Variants in FRAS1 observed in about 807,000 individuals in gnomAD.
FRAS1 encodes Fraser extracellular matrix complex subunit 1.
FRAS1 carries 290 observed loss-of-function variants against 435.2 expected under a neutral mutation model. That is an observed-to-expected ratio of 0.67 (90% confidence interval 0.61 to 0.73). The LOEUF (loss-of-function observed/expected upper bound fraction) is 0.73, where lower values mean the gene tolerates loss of function less well. FRAS1 is among the 30% of genes least tolerant of loss of function. The probability of loss-of-function intolerance (pLI) is 0.00; values close to 1 mark genes in which losing one functional copy is unlikely to be tolerated. For synonymous variants in FRAS1, 1,800 were observed against 1,851.0 expected (o/e 0.97, Z 0.71); for missense variants, 4,860 against 5,001.5 (o/e 0.97, Z 0.85).
chr4:78,262,808 C>T (rs1426884666), intron 6 of FRAS1, among the ~76,000 whole-genome samples: 1 of 152,120 alleles, frequency 6.6e-6, no homozygotes, highest in Non-Finnish European at 1.5e-5. Flanking sequence ...TACTAAACTC[C>T]TGTTTACTGA....
chr4:78,507,917 T>C (rs1244914162), intron 62 of FRAS1, among the ~76,000 whole-genome samples: 1 of 152,178 alleles, frequency 6.6e-6, no homozygotes, highest in Non-Finnish European at 1.5e-5. Flanking sequence ...ATGTCAATAG[T>C]GTTGAGGGTA....
At chr4:78,124,547 G>A (rs1201440505) in intron 2 of FRAS1, among the ~76,000 whole-genome samples, 1 of 152,186 alleles carries the variant, frequency 6.6e-6, no homozygotes, top group Non-Finnish European at 1.5e-5. Context: ...CAGAAGGAAT[G>A]GTACTAGCTC....
Position 78,521,542 on chromosome 4 carries a change from G to C in FRAS1, c.10560G>C (p.Val3520=). 1 of 1,609,782 alleles carries C rather than the reference G, an allele frequency of 6.2e-7. No individual in the cohort carries two copies. The highest frequency in any genetic ancestry group is 8.5e-7 in the Non-Finnish European group (1 of 1,178,128). ...LWRTGIQTDS[V]LSARLQIIRI... is the part of the protein sequence containing the mutation. Reference sequence around the variant, plus strand: ...GCCCAGGAATCCAGACAGACAGCGTGCTCTCTGCAAGGCTTCAGATAATAA... The same window carrying C: ...GCCCAGGAATCCAGACAGACAGCGTCCTCTCTGCAAGGCTTCAGATAATAA... The change falls in exon 68 of 74, where the codon GTG becomes GTC. Residue 3520 remains valine (V), a synonymous_variant. Transcript: ENST00000512123.
At chr4:78,490,538 C>A (rs1446467689) in intron 59 of FRAS1, among the ~76,000 whole-genome samples, 1 of 152,178 alleles carries the variant, frequency 6.6e-6, no homozygotes, top group African/African-American at 2.4e-5. Context: ...AACTGAACAA[C>A]CTGCTCCTGA....
At position 78,452,159 on chromosome 4, in the gene FRAS1, T is replaced by C. The variant is rs1225641544; in HGVS notation, c.6584-16T>C. On this transcript the variant is annotated splice_polypyrimidine_tract_variant and intron_variant, in intron 46 of 73. Coordinates refer to ENST00000512123, the MANE Select transcript of FRAS1 (RefSeq NM_025074.7). ...GAGAAGATCCCATTTCAAATCACTA[T>C]TTCTGATATTTTCAGAAGACAAATC... is the stretch of plus-strand genomic sequence containing the variant. 4 of 1,610,470 alleles carry C rather than the reference T, an allele frequency of 2.5e-6. No homozygotes were observed. The highest frequency in any genetic ancestry group is 2.2e-5 in the East Asian group (1 of 44,874).
At position 78,174,051 on chromosome 4, in the gene FRAS1, G is replaced by C. The variant is rs751551463; in HGVS notation, c.109-63459G>C. 4.0e-4 allele frequency among the ~76,000 whole-genome samples: 61 copies of C among 152,152 alleles called. 1 individual carries two copies. The highest frequency in any genetic ancestry group is 3.7e-4 in the Non-Finnish European group (25 of 68,020). On this transcript the variant is annotated intron_variant, in intron 2 of 73. Transcript: ENST00000512123. ...TCCCTTGGTGTCTCCTCTGTCTCCC[G>C]TGTTTCAACTGAACACACAGCTGAA...
In FRAS1 at chr4:78,388,115, G is replaced by A. The variant is rs565907583; in HGVS notation, c.3975+414G>A. ...CTGAGGTGGGTGGATCACGAGGTCA[G>A]GAGATCAAGACCATCCTGGCTAACA... On this transcript the variant is annotated intron_variant, in intron 29 of 73. Transcript: ENST00000512123. Among the ~76,000 whole-genome samples the A allele has an allele frequency of 2.6e-5, 4 of 151,724 alleles. No homozygotes were observed. In the South Asian group the frequency reaches 8.4e-4, roughly 32 times the overall value.
intron 14 of FRAS1, among the ~76,000 whole-genome samples, chr4:78,298,361 C>G (rs1287225770): frequency 1.3e-5 from 2 of 150,772 alleles, no homozygotes; most frequent in African/African-American, 4.9e-5. Context: ...ATACACACAC[C>G]TTATAATATC....
rs935054961 is a variant in FRAS1 at position 78,518,745 on chromosome 4, C to T, written c.10390-586C>T. Among the ~76,000 whole-genome samples the T allele has an allele frequency of 9.9e-5, 15 of 152,262 alleles. 1 individual carries two copies. Among genetic ancestry groups the T allele is most frequent in the East Asian group, 3.9e-4 (2 of 5,194 alleles). On this transcript the variant is annotated intron_variant, in intron 66 of 73. Transcript: ENST00000512123. The stretch of plus-strand genomic sequence containing the variant: ...CATGGGACAGGAAATTACTGAAGTA[C>T]GTGCAGCTCTGAGCTGTCCATTGGT...
At chr4:78,400,692 T>A in intron 29 of FRAS1, 42 bp from the exon 30 acceptor site, 1 of 1,589,268 alleles carries the variant, frequency 6.3e-7, no homozygotes. Context: ...GATATATTCT[T>A]ACTTTGCTTG....
intron 2 of FRAS1, among the ~76,000 whole-genome samples, chr4:78,214,075 G>A (rs1420592690): frequency 6.6e-6 from 1 of 152,228 alleles, no homozygotes; most frequent in Non-Finnish European, 1.5e-5. Flanking sequence ...GGTGGGAGGA[G>A]CTGACTTTTC....
intron 2 of FRAS1, among the ~76,000 whole-genome samples, chr4:78,232,532 G>A (rs1036111196): frequency 6.6e-6 from 1 of 152,092 alleles, no homozygotes; most frequent in Non-Finnish European, 1.5e-5. Context: ...TGATCTGCCT[G>A]CCTCAGCCTC....
intron 15 of FRAS1, among the ~76,000 whole-genome samples, chr4:78,315,076 A>G (rs1444572542): frequency 6.6e-6 from 1 of 152,220 alleles, no homozygotes; most frequent in African/African-American, 2.4e-5. Flanking sequence ...GAATAAGTGA[A>G]TGAGATCCTG....
intron 3 of FRAS1, among the ~76,000 whole-genome samples, chr4:78,239,747 C>T (rs377557821): frequency 1.5e-4 from 23 of 152,232 alleles, no homozygotes; most frequent in Middle Eastern, 3.4e-3. Flanking sequence ...CAGCAAAGTG[C>T]AAAGGCTCTA....
intron 2 of FRAS1, among the ~76,000 whole-genome samples, chr4:78,158,580 A>G (rs1720992020): frequency 1.3e-5 from 2 of 152,304 alleles, no homozygotes; most frequent in East Asian, 1.9e-4. Context: ...ATGGTGCTTC[A>G]GGAACATTCG....
Position 78,473,153 on chromosome 4 carries a change from A to G in FRAS1, c.7523-285A>G, listed in dbSNP as rs567566249. On this transcript the variant is annotated intron_variant, in intron 52 of 73. Transcript: ENST00000512123. ...ATCAACATTCACAGACATTTATTGA[A>G]GTGCTTTTTGTCAGGACCCTGGGAT... 4.6e-5 allele frequency among the ~76,000 whole-genome samples: 7 copies of G among 152,244 alleles called. No individual in the cohort carries two copies. In the East Asian group the frequency reaches 1.4e-3, roughly 29 times the overall value.
chr4:78,232,088 C>T (rs2110109213), intron 2 of FRAS1, among the ~76,000 whole-genome samples: 2 of 152,190 alleles, frequency 1.3e-5, no homozygotes, highest in Middle Eastern at 6.8e-3. Flanking sequence ...GATTTTATGG[C>T]TTTATCCAAA....
At chr4:78,368,314 G>A (rs1731354976) in intron 22 of FRAS1, among the ~76,000 whole-genome samples, 1 of 118,516 alleles carries the variant, frequency 8.4e-6, no homozygotes, top group East Asian at 3.4e-4. Context: ...GTCTTTCTTT[G>A]TAGGTGAAAC....
intron 20 of FRAS1, among the ~76,000 whole-genome samples, chr4:78,347,380 GGGA>G (rs1730646221): frequency 6.6e-6 from 1 of 152,184 alleles, no homozygotes; most frequent in Non-Finnish European, 1.5e-5. Context: ...CCCAAGACGA[GGGA>G]GGAGAACTTT....
Sources: allele counts gnomAD v4.1 joint callset (sites outside exome capture counted in the v4.1 genomes callset), GRCh38; gene constraint gnomAD v4.1.1; transcripts MANE v1.5; gene names NCBI Gene and HGNC (gene_info 2026-07-23, HGNC 2026-07-21).